Variants in TTC12 observed in about 807,000 individuals in gnomAD.
TTC12 encodes tetratricopeptide repeat protein 12.
In TTC12, 70 loss-of-function variants were observed where a neutral mutation model predicts 90.1. That is an observed-to-expected ratio of 0.78 (90% CI 0.64 to 0.95). The LOEUF is 0.95. Ranked by LOEUF, TTC12 falls within the 40% of genes least tolerant of loss-of-function variation. The pLI, the probability that TTC12 is intolerant of heterozygous loss-of-function variation, is 0.00. For synonymous variants in TTC12, 296 were observed against 311.5 expected (o/e 0.95, Z 0.53); for missense variants, 819 against 846.1 (o/e 0.97, Z 0.40).
At chr11:113,355,415 T>C (rs1273356175) in intron 16 of TTC12, among the ~76,000 whole-genome samples, 2 of 152,166 alleles carry the variant, frequency 1.3e-5, no homozygotes, top group Non-Finnish European at 2.9e-5. Flanking sequence ...CTTTAGGATT[T>C]ATTGATCTTT....
At chr11:113,341,654 T>G (rs1178658345) in intron 11 of TTC12, 183 bp from the exon 12 acceptor site, 2 of 593,288 alleles carry the variant, frequency 3.4e-6, no homozygotes, top group Non-Finnish European at 3.1e-6. Context: ...TTCCTCAGTC[T>G]GCATCCGTGG....
Position 113,324,620 on chromosome 11 carries a change from C to A in TTC12, c.260C>A (p.Ser87Tyr), listed in dbSNP as rs1947570308. The change falls in exon 5 of 22, where the codon TCT becomes TAT. Residue 87 changes from serine to tyrosine, a missense_variant. Transcript: ENST00000529221. The stretch of plus-strand genomic sequence containing the variant: ...CTGCTGTCAGAGGCCTTCTTGGCAT[C>A]TGTGGAGAAGGATGCAAAGGAACGA... ...EEINSEAFLASVEKDAKERAK... is the reference protein window; with the variant it reads ...EEINSEAFLAYVEKDAKERAK... 6.2e-7 allele frequency: 1 copy of A among 1,613,566 alleles called. No homozygotes were observed. Among genetic ancestry groups the A allele is most frequent in the Admixed American group, 1.7e-5 (1 of 59,938 alleles).
chr11:113,344,525 C>A, intron 13 of TTC12, 85 bp downstream of exon 13: 1 of 1,360,628 alleles, frequency 7.3e-7, no homozygotes, highest in South Asian at 1.3e-5. Context: ...CCTCCTATCT[C>A]TGTTGTGTGA....
chr11:113,347,561 CA>C (rs1949039080), intron 13 of TTC12, among the ~76,000 whole-genome samples: 2 of 152,186 alleles, frequency 1.3e-5, no homozygotes, highest in South Asian at 4.1e-4. Context: ...TATCTCCTTA[CA>C]CTGTGCACAA....
intron 14 of TTC12, among the ~76,000 whole-genome samples, chr11:113,350,812 G>A (rs1471746425): frequency 6.6e-6 from 1 of 152,236 alleles, no homozygotes; most frequent in Admixed American, 6.5e-5. Context: ...GCACGGGCCG[G>A]GGTATGGAAC....
chr11:113,364,896 C>T lies in TTC12; in HGVS notation c.1878C>T (p.Ala626=). ...ATGAGGTTCTGGTGGGCAACGCTGC[C>T]CTCTGCCTTGGTAACTGCATGGAGG... ...SEDEVLVGNA[A]LCLGNCMEVP... Residue 626 remains alanine, a synonymous_variant, in exon 21 of 22, where the codon GCC becomes GCT. Transcript: ENST00000529221. 3 of 1,614,188 alleles carry T rather than the reference C, an allele frequency of 1.9e-6. No individual in the cohort carries two copies. The highest frequency in any genetic ancestry group is 2.5e-6 in the Non-Finnish European group (3 of 1,180,036).
At chr11:113,366,129 C>T (rs1016846519) in intron 21 of TTC12, 96 bp from the exon 22 acceptor site, 2 of 1,364,602 alleles carry the variant, frequency 1.5e-6, no homozygotes, top group Non-Finnish European at 1.0e-6. Context: ...GACTGACGTT[C>T]TCAGCCAGCT....
At chr11:113,344,832 T>C (rs184403632) in intron 13 of TTC12, among the ~76,000 whole-genome samples, 1 of 152,334 alleles carries the variant, frequency 6.6e-6, no homozygotes, top group East Asian at 1.9e-4. Flanking sequence ...TTATTCTACG[T>C]GTCCTTAAAC....
In TTC12 at chr11:113,340,607, G is replaced by T. The variant is rs2288159; in HGVS notation, c.827-57G>T. The T allele has an allele frequency of 0.19, 265,728 of 1,377,206 alleles. 31,236 individuals are homozygous for T. The highest frequency in any genetic ancestry group is 0.52 in the East Asian group (22,638 of 43,912). The allele number at this position is 1,377,206 out of a possible 1,614,324, so 85.3% of individuals were successfully genotyped here. A position where few individuals can be genotyped will look rare whatever the true frequency, so the allele number is the denominator to read the frequency against. Reference sequence around the variant, plus strand: ...CATTAGCAGGTGGCTGTGTTGCAGCGAGACACCAGCCAGCCAGTTTGGGAG... The same window carrying T: ...CATTAGCAGGTGGCTGTGTTGCAGCTAGACACCAGCCAGCCAGTTTGGGAG... On this transcript the variant is annotated intron_variant, in intron 10 of 21. Transcript: ENST00000529221.
intron 19 of TTC12, 67 bp from the exon 20 acceptor site, chr11:113,363,761 C>T (rs1950062941): frequency 3.7e-6 from 4 of 1,083,672 alleles, no homozygotes; most frequent in Non-Finnish European, 5.6e-6. Flanking sequence ...TAACTGCTTG[C>T]TGTGGTTTGT....
intron 2 of TTC12, 71 bp from the exon 3 acceptor site, chr11:113,323,217 A>G (rs2137924935): frequency 8.1e-7 from 1 of 1,240,640 alleles, no homozygotes; most frequent in Non-Finnish European, 1.1e-6. Context: ...CATTTTATGC[A>G]CCATCCTTTC....
In TTC12 at chr11:113,339,230, G is replaced by T. The variant is rs940226691; in HGVS notation, c.638-56G>T. ...AAAGGAAAAAAAAAGGTTGCTTCTT[G>T]TGTGGTATTGTTGATTGTTAGGGTT... On this transcript the variant is annotated intron_variant, in intron 9 of 21. Transcript: ENST00000529221. 9 of 1,444,770 alleles carry T rather than the reference G, an allele frequency of 6.2e-6. No individual in the cohort carries two copies. The African/African-American group carries it at 8.6e-5, about 14-fold the overall frequency. The allele number at this position is 1,444,770 out of a possible 1,614,324, so 89.5% of individuals were successfully genotyped here.
intron 16 of TTC12, among the ~76,000 whole-genome samples, chr11:113,356,504 T>G (rs1949644962): frequency 6.6e-6 from 1 of 152,240 alleles, no homozygotes; most frequent in Non-Finnish European, 1.5e-5. Flanking sequence ...ATGGTTATTT[T>G]GCTGACTTAT....
At chr11:113,335,109 C>T in intron 8 of TTC12, 72 bp downstream of exon 8, 21 of 1,057,866 alleles carry the variant, frequency 2.0e-5, no homozygotes, top group Non-Finnish European at 2.6e-5. Context: ...TAGAGGAGAA[C>T]CATGATTCTC....
chr11:113,329,885 T>G, intron 6 of TTC12, 35 bp from the exon 7 acceptor site: 2 of 1,574,976 alleles, frequency 1.3e-6, no homozygotes. Context: ...TGATGCAGAA[T>G]TGTGTGTGAA....
intron 8 of TTC12, among the ~76,000 whole-genome samples, chr11:113,338,107 G>A (rs781918031): frequency 6.6e-5 from 10 of 151,892 alleles, no homozygotes; most frequent in Middle Eastern, 3.4e-3. Context: ...TTTTCTGAGC[G>A]TTTTCTCTAG....
intron 12 of TTC12, among the ~76,000 whole-genome samples, chr11:113,342,149 C>T (rs1219944102): frequency 6.6e-6 from 1 of 152,156 alleles, no homozygotes; most frequent in African/African-American, 2.4e-5. Context: ...TGAGTGGTCT[C>T]CTCTCTCCTC....
At chr11:113,360,259 G>A (rs539237500) in intron 18 of TTC12, among the ~76,000 whole-genome samples, 346 of 152,208 alleles carry the variant, frequency 2.3e-3, no homozygotes, top group African/African-American at 7.9e-3. Flanking sequence ...CTAGAGTCCA[G>A]GAACCCAACT....
intron 19 of TTC12, among the ~76,000 whole-genome samples, chr11:113,363,276 C>T (rs1433237995): frequency 1.2e-4 from 18 of 152,202 alleles, no homozygotes; most frequent in African/African-American, 4.1e-4. Flanking sequence ...TTTTGCAAAC[C>T]CACCAAAAGC....
Sources: gnomAD v4.1 joint callset for allele counts (sites outside exome capture counted in the v4.1 genomes callset) on GRCh38, gnomAD v4.1.1 for gene constraint, MANE v1.5 for transcripts, NCBI Gene and HGNC (gene_info 2026-07-23, HGNC 2026-07-21) for gene names.